The following ERBB4 variants were observed in gnomAD, a reference collection of about 807,000 sequenced individuals.
The protein encoded by ERBB4 is receptor tyrosine-protein kinase erbB-4.
ERBB4 carries 42 observed loss-of-function variants against 158.0 expected under a neutral mutation model. That is an observed-to-expected ratio of 0.27 (90% CI 0.21 to 0.34). ERBB4 has a LOEUF of 0.34. Among genes scored for constraint, ERBB4 ranks in the 10% least tolerant of loss-of-function variants. The probability of loss-of-function intolerance (pLI) is 1.00; values close to 1 mark genes in which losing one functional copy is unlikely to be tolerated. For synonymous variants in ERBB4, 583 were observed against 558.7 expected (o/e 1.04, Z -0.61); for missense variants, 1,333 against 1,624.1 (o/e 0.82, Z 3.08).
At chr2:211,903,091 G>A (rs2079281148) in intron 3 of ERBB4, among the ~76,000 whole-genome samples, 1 of 151,344 alleles carries the variant, frequency 6.6e-6, no homozygotes, top group Non-Finnish European at 1.5e-5. Context: ...GCTGATTTAA[G>A]TAACTTAAAA....
At chr2:212,121,637 C>T (rs7562352) in intron 2 of ERBB4, among the ~76,000 whole-genome samples, 1 of 151,976 alleles carries the variant, frequency 6.6e-6, no homozygotes, top group Non-Finnish European at 1.5e-5. Flanking sequence ...CCACCATCGA[C>T]GTTCTCTACC....
chr2:211,803,537 CAACTA>C (rs1230810518), intron 3 of ERBB4, among the ~76,000 whole-genome samples: 5 of 152,250 alleles, frequency 3.3e-5, no homozygotes, highest in Non-Finnish European at 7.4e-5. Context: ...GCACCCATCA[CAACTA>C]AAAGAGCACT....
chr2:211,736,638 A>G (rs1421591746), intron 5 of ERBB4, among the ~76,000 whole-genome samples: 18 of 152,160 alleles, frequency 1.2e-4, no homozygotes, highest in Admixed American at 1.2e-3. Context: ...AAGTTTTAGG[A>G]TTCTAGAGGA....
At chr2:211,921,093 A>C (rs532638363) in intron 3 of ERBB4, among the ~76,000 whole-genome samples, 1 of 152,160 alleles carries the variant, frequency 6.6e-6, no homozygotes, top group South Asian at 2.1e-4. Flanking sequence ...ACTTTAAAAA[A>C]AAATCTTGCT....
At chr2:212,219,605 T>C (rs892708753) in intron 1 of ERBB4, among the ~76,000 whole-genome samples, 2 of 151,310 alleles carry the variant, frequency 1.3e-5, no homozygotes, top group African/African-American at 2.4e-5. Flanking sequence ...ATATTATTCA[T>C]GCTAGCCTTG....
chr2:212,260,584 G>A (rs980516592), intron 1 of ERBB4, among the ~76,000 whole-genome samples: 1 of 151,996 alleles, frequency 6.6e-6, no homozygotes, highest in South Asian at 2.1e-4. Flanking sequence ...AGGCCGAGGC[G>A]GGCAGATCAC....
At chr2:211,918,789 A>G (rs1195101499) in intron 3 of ERBB4, among the ~76,000 whole-genome samples, 1 of 152,174 alleles carries the variant, frequency 6.6e-6, no homozygotes, top group African/African-American at 2.4e-5. Context: ...ACCCAGTGAC[A>G]TTCACAATGG....
At chr2:211,508,203 C>A (rs1257781924) in intron 20 of ERBB4, among the ~76,000 whole-genome samples, 1 of 152,050 alleles carries the variant, frequency 6.6e-6, no homozygotes, top group African/African-American at 2.4e-5. Flanking sequence ...AGACAACCTA[C>A]AGAATGGGAG....
intron 20 of ERBB4, among the ~76,000 whole-genome samples, chr2:211,515,040 A>C (rs1321372117): frequency 6.6e-6 from 1 of 152,186 alleles, no homozygotes; most frequent in Non-Finnish European, 1.5e-5. Flanking sequence ...GGAGCAGGAA[A>C]GGCTTCATAT....
intron 20 of ERBB4, among the ~76,000 whole-genome samples, chr2:211,498,878 AAAGT>A (rs1180036112): frequency 7.2e-5 from 11 of 152,258 alleles, no homozygotes; most frequent in African/African-American, 2.4e-4. Flanking sequence ...TAGTGGCACA[AAAGT>A]AAGTAAGAAT....
At chr2:212,127,571 A>G (rs996388510) in intron 1 of ERBB4, among the ~76,000 whole-genome samples, 7 of 152,276 alleles carry the variant, frequency 4.6e-5, no homozygotes, top group South Asian at 4.1e-4. Flanking sequence ...CAGCCTGGGC[A>G]ACAGAGCGAG....
intron 14 of ERBB4, among the ~76,000 whole-genome samples, chr2:211,669,831 T>G (rs186168828): frequency 6.6e-6 from 1 of 152,204 alleles, no homozygotes; most frequent in African/African-American, 2.4e-5. Context: ...AGAACTTCTA[T>G]AGTTGAGTCA....
intron 26 of ERBB4, 123 bp downstream of exon 26, chr2:211,387,822 A>C: frequency 1.3e-6 from 1 of 787,096 alleles, no homozygotes. Flanking sequence ...CACGATGTAC[A>C]CCAAATTCTT....
In ERBB4 at chr2:211,622,991, ATATATATATATATATATATATATATATAT is replaced by A. The variant is rs1397079890; in HGVS notation, c.2202+902_2202+930del. Among the ~76,000 whole-genome samples, 15 of 6,428 alleles carry A rather than the reference ATATATATATATATATATATATATATATAT, an allele frequency of 2.3e-3. 1 individual carries two copies. Among genetic ancestry groups the A allele is most frequent in the South Asian group, 0.018 (1 of 56 alleles). 4.2% of individuals were successfully genotyped at this position (6,428 alleles called of 152,430 possible). ...AAAAAAAAAAAAAAAAAAAAAAAAA[ATATATATATATATATATATATATATATAT>A]ATATATATATATATATATATATATA... On this transcript the variant is annotated intron_variant, in intron 18 of 27. Coordinates refer to ENST00000342788, the MANE Select transcript of ERBB4 (RefSeq NM_005235.3).
intron 3 of ERBB4, among the ~76,000 whole-genome samples, chr2:211,878,621 C>T (rs1236813200): frequency 6.8e-6 from 1 of 147,814 alleles, no homozygotes; most frequent in Non-Finnish European, 1.5e-5. Flanking sequence ...ATTAGTTATC[C>T]ACTTTAGGAA....
At chr2:211,488,368 C>G (rs1481836657) in intron 20 of ERBB4, among the ~76,000 whole-genome samples, 1 of 152,010 alleles carries the variant, frequency 6.6e-6, no homozygotes, top group African/African-American at 2.4e-5. Flanking sequence ...TCATGTATTC[C>G]TCATTTCATT....
chr2:211,504,492 G>C (rs1308047990), intron 20 of ERBB4, among the ~76,000 whole-genome samples: 4 of 151,026 alleles, frequency 2.6e-5, no homozygotes, highest in Non-Finnish European at 4.4e-5. Flanking sequence ...TCAAAACTAA[G>C]ATGTAACAGT....
intron 3 of ERBB4, among the ~76,000 whole-genome samples, chr2:211,853,816 A>T (rs754420808): frequency 2.6e-5 from 4 of 152,114 alleles, no homozygotes; most frequent in Non-Finnish European, 4.4e-5. Context: ...ATTTGTCAAC[A>T]TGTACAAAGG....
chr2:211,644,685 A>C (rs1418142192), intron 16 of ERBB4, among the ~76,000 whole-genome samples: 2 of 152,006 alleles, frequency 1.3e-5, no homozygotes, highest in African/African-American at 4.8e-5. Flanking sequence ...AATCAGCCAT[A>C]TGTAATGCTA....
Sources: gnomAD v4.1 joint callset for allele counts (sites outside exome capture counted in the v4.1 genomes callset) on GRCh38, gnomAD v4.1.1 for gene constraint, MANE v1.5 for transcripts, NCBI Gene and HGNC (gene_info 2026-07-23, HGNC 2026-07-21) for gene names.